FRMD3: variants seen among roughly 807,000 people sequenced by gnomAD.
FRMD3 encodes the protein FERM domain-containing protein 3.
A neutral mutation model predicts 70.2 loss-of-function variants in FRMD3; 33 were observed. That is an observed-to-expected ratio of 0.47 (90% CI 0.36 to 0.63). The LOEUF is 0.63. Ranked by LOEUF, FRMD3 falls within the 20% of genes least tolerant of loss-of-function variation. The pLI, the probability that FRMD3 is intolerant of heterozygous loss-of-function variation, is 0.00. For synonymous variants in FRMD3, 279 were observed against 255.9 expected, an observed-to-expected ratio of 1.09 and a Z score of -0.86; for missense variants, 632 against 711.4, an observed-to-expected ratio of 0.89 and a Z score of 1.27.
At chr9:83,387,835 G>A (rs538843491) in intron 2 of FRMD3, among the ~76,000 whole-genome samples, 24 of 152,272 alleles carry the variant, frequency 1.6e-4, no homozygotes, top group African/African-American at 5.8e-4. Flanking sequence ...AATTAGATTA[G>A]GAATAGGCTA....
At chr9:83,437,545 C>T (rs563214394) in intron 1 of FRMD3, among the ~76,000 whole-genome samples, 3 of 152,296 alleles carry the variant, frequency 2.0e-5, no homozygotes, top group African/African-American at 7.2e-5. Context: ...GAAGTCTGAG[C>T]TTTAAAATTA....
chr9:83,536,982 T>G (rs1336604538), intron 1 of FRMD3, among the ~76,000 whole-genome samples: 1 of 136,812 alleles, frequency 7.3e-6, no homozygotes, highest in Non-Finnish European at 1.5e-5. Flanking sequence ...AAGACTCGAC[T>G]AGGGTAGGTG....
chr9:83,364,428 C>T (rs1409525002), intron 3 of FRMD3, among the ~76,000 whole-genome samples: 2 of 152,032 alleles, frequency 1.3e-5, no homozygotes, highest in Non-Finnish European at 2.9e-5. Flanking sequence ...ACAGTACACG[C>T]GCCTGTAGTC....
At chr9:83,363,325 T>C (rs976260373) in intron 3 of FRMD3, among the ~76,000 whole-genome samples, 1 of 152,194 alleles carries the variant, frequency 6.6e-6, no homozygotes, top group Non-Finnish European at 1.5e-5. Context: ...AACTCAACAA[T>C]ATGTCTATAA....
intron 1 of FRMD3, among the ~76,000 whole-genome samples, chr9:83,494,833 A>ATGTG (rs377201441): frequency 0.097 from 14,433 of 149,220 alleles, 793 homozygotes; most frequent in African/African-American, 0.14. Context: ...CTGTGCATTT[A>ATGTG]TGTGTGTGTG....
chr9:83,329,795 A>G (rs897561308), intron 6 of FRMD3, among the ~76,000 whole-genome samples: 6 of 152,188 alleles, frequency 3.9e-5, no homozygotes, highest in African/African-American at 1.4e-4. Flanking sequence ...TGAATATTTA[A>G]AAGCTGATGA....
intron 3 of FRMD3, among the ~76,000 whole-genome samples, chr9:83,368,109 T>C (rs192692817): frequency 8.9e-4 from 135 of 152,244 alleles, no homozygotes; most frequent in African/African-American, 3.1e-3. Context: ...AAAAGAAAAC[T>C]ATACTGGCAT....
At chr9:83,441,581 G>C (rs1827296768) in intron 1 of FRMD3, among the ~76,000 whole-genome samples, 2 of 152,078 alleles carry the variant, frequency 1.3e-5, no homozygotes, top group African/African-American at 4.8e-5. Flanking sequence ...CAACAGTCCT[G>C]GAAAATTACT....
chr9:83,308,391 T>C (rs887407332), intron 10 of FRMD3, among the ~76,000 whole-genome samples: 4 of 152,186 alleles, frequency 2.6e-5, no homozygotes, highest in Admixed American at 6.5e-5. Context: ...AAAATCATTA[T>C]CCAAGCCATC....
At chr9:83,388,118 T>C (rs1312608143) in intron 2 of FRMD3, among the ~76,000 whole-genome samples, 1 of 152,176 alleles carries the variant, frequency 6.6e-6, no homozygotes, top group African/African-American at 2.4e-5. Context: ...TGAGCTGTAA[T>C]ACTTCATTGC....
At chr9:83,326,921 A>T (rs1313461316) in intron 6 of FRMD3, among the ~76,000 whole-genome samples, 1 of 152,200 alleles carries the variant, frequency 6.6e-6, no homozygotes, top group African/African-American at 2.4e-5. Context: ...AGTTTTGAGT[A>T]CTTTTAGACA....
At chr9:83,455,329 TGAATTGTATCTCCCA>T (rs1226105520) in intron 1 of FRMD3, among the ~76,000 whole-genome samples, 2 of 152,196 alleles carry the variant, frequency 1.3e-5, no homozygotes, top group Admixed American at 1.3e-4. Context: ...AATCTCAACT[TGAATTGTATCTCCCA>T]GAATTCCCAC....
chr9:83,352,004 A>G (rs1824179014), intron 3 of FRMD3, among the ~76,000 whole-genome samples: 1 of 152,150 alleles, frequency 6.6e-6, no homozygotes, highest in Admixed American at 6.5e-5. Context: ...TATCCTGCCC[A>G]TCCCTCCAGG....
At chr9:83,320,068 A>G (rs1835734969) in intron 6 of FRMD3, among the ~76,000 whole-genome samples, 1 of 152,212 alleles carries the variant, frequency 6.6e-6, no homozygotes, top group South Asian at 2.1e-4. Flanking sequence ...TAGCGATTTT[A>G]GGGTTTTCTA....
chr9:83,284,368 G>C (rs1036365423), intron 13 of FRMD3, among the ~76,000 whole-genome samples: 2 of 152,246 alleles, frequency 1.3e-5, no homozygotes, highest in East Asian at 3.9e-4. Context: ...CCAGCACTTT[G>C]GGAGGCCGAG....
At chr9:83,371,903 A>G (rs985710392) in intron 3 of FRMD3, among the ~76,000 whole-genome samples, 3 of 152,206 alleles carry the variant, frequency 2.0e-5, no homozygotes, top group Non-Finnish European at 2.9e-5. Flanking sequence ...GAAAAAGAAG[A>G]AAGTTAAAGA....
intron 1 of FRMD3, among the ~76,000 whole-genome samples, chr9:83,486,413 C>A (rs911738083): frequency 6.6e-6 from 1 of 152,120 alleles, no homozygotes; most frequent in African/African-American, 2.4e-5. Flanking sequence ...CTCTAGGTGG[C>A]CTGTCATTCA....
chr9:83,501,365 T>C (rs1829065140), intron 1 of FRMD3, among the ~76,000 whole-genome samples: 2 of 152,032 alleles, frequency 1.3e-5, no homozygotes. Context: ...GAAAGATAAA[T>C]GTCAAGAAGA....
At chr9:83,352,597 A>C (rs1380361917) in intron 3 of FRMD3, among the ~76,000 whole-genome samples, 1 of 152,152 alleles carries the variant, frequency 6.6e-6, no homozygotes, top group Non-Finnish European at 1.5e-5. Context: ...GTACATGAAG[A>C]GTCCTTCCAT....
Sources: gnomAD v4.1 joint callset for allele counts (sites outside exome capture counted in the v4.1 genomes callset) on GRCh38, gnomAD v4.1.1 for gene constraint, MANE v1.5 for transcripts, NCBI Gene and HGNC (gene_info 2026-07-23, HGNC 2026-07-21) for gene names.